MACROD2: variants seen among roughly 807,000 people sequenced by gnomAD.
MACROD2 encodes the protein ADP-ribose glycohydrolase MACROD2.
MACROD2 carries 36 observed loss-of-function variants against 70.4 expected under a neutral mutation model. That is an observed-to-expected ratio of 0.51 (90% CI 0.39 to 0.68). The LOEUF is 0.68. Ranked by LOEUF, MACROD2 falls within the 30% of genes least tolerant of loss-of-function variation. The pLI is 0.00. For synonymous variants in MACROD2, 172 were observed against 178.8 expected, an observed-to-expected ratio of 0.96 and a Z score of 0.30; for missense variants, 496 against 538.4, an observed-to-expected ratio of 0.92 and a Z score of 0.78.
intron 4 of MACROD2, among the ~76,000 whole-genome samples, chr20:14,603,664 C>T: frequency 6.6e-6 from 1 of 152,034 alleles, no homozygotes; most frequent in East Asian, 1.9e-4. Flanking sequence ...AATGACAGTA[C>T]CTATTATAGA....
chr20:15,909,498 A>G (rs886762197), intron 10 of MACROD2, among the ~76,000 whole-genome samples: 2 of 151,034 alleles, frequency 1.3e-5, no homozygotes, highest in South Asian at 2.1e-4. Flanking sequence ...TATCATACAC[A>G]TAAGTACATA....
chr20:15,389,783 G>T (rs893498889), intron 6 of MACROD2, among the ~76,000 whole-genome samples: 2 of 152,162 alleles, frequency 1.3e-5, no homozygotes, highest in African/African-American at 2.4e-5. Context: ...GCAAGATGAA[G>T]CAATACCGTT....
At chr20:15,327,798 G>A (rs1257017484) in intron 6 of MACROD2, among the ~76,000 whole-genome samples, 1 of 151,974 alleles carries the variant, frequency 6.6e-6, no homozygotes, top group Non-Finnish European at 1.5e-5. Context: ...ATCATGTGAT[G>A]GATGATTGGG....
chr20:15,681,713 C>T (rs1170359222), intron 8 of MACROD2, among the ~76,000 whole-genome samples: 1 of 152,138 alleles, frequency 6.6e-6, no homozygotes, highest in Non-Finnish European at 1.5e-5. Context: ...CATTCAATTA[C>T]ATTTTTTGTT....
At chr20:15,945,772 T>TCTGGA (rs1284944614) in intron 12 of MACROD2, among the ~76,000 whole-genome samples, 1 of 152,188 alleles carries the variant, frequency 6.6e-6, no homozygotes, top group Non-Finnish European at 1.5e-5. Flanking sequence ...CTGGATCAGT[T>TCTGGA]TCCCAAAAGC....
chr20:15,324,638 A>C (rs1393542229), intron 6 of MACROD2, among the ~76,000 whole-genome samples: 1 of 152,168 alleles, frequency 6.6e-6, no homozygotes, highest in Non-Finnish European at 1.5e-5. Flanking sequence ...CTGTGTCATC[A>C]CATTAGCTGA....
At chr20:15,171,770 T>C (rs1706243831) in intron 5 of MACROD2, among the ~76,000 whole-genome samples, 1 of 152,228 alleles carries the variant, frequency 6.6e-6, no homozygotes, top group South Asian at 2.1e-4. Context: ...CTGTGTTTTG[T>C]TCTGAAATCC....
chr20:14,879,944 C>T (rs2073592322), intron 5 of MACROD2, among the ~76,000 whole-genome samples: 1 of 152,138 alleles, frequency 6.6e-6, no homozygotes, highest in South Asian at 2.1e-4. Flanking sequence ...TTATCTTTTG[C>T]AAATCTTAGT....
chr20:14,065,352 A>AT (rs1445833073), intron 2 of MACROD2, among the ~76,000 whole-genome samples: 6 of 151,970 alleles, frequency 3.9e-5, no homozygotes, highest in African/African-American at 1.5e-4. Flanking sequence ...TGCTCACCTA[A>AT]TTTTTTAGTG....
At chr20:14,202,701 T>C (rs2081489376) in intron 3 of MACROD2, among the ~76,000 whole-genome samples, 1 of 152,170 alleles carries the variant, frequency 6.6e-6, no homozygotes, top group African/African-American at 2.4e-5. Context: ...CAGAAAGCAA[T>C]GGATTCTTAG....
chr20:15,121,513 CAAAAAA>C lies in MACROD2; in HGVS notation c.419-108415_419-108410del, dbSNP rs5840653. Among the ~76,000 whole-genome samples, 6 of 122,056 alleles carry C rather than the reference CAAAAAA, an allele frequency of 4.9e-5. No individual in the cohort carries two copies. The East Asian group carries it at 6.9e-4, about 14-fold the overall frequency. The allele number at this position is 122,056 out of a possible 152,430, so 80.1% of individuals were successfully genotyped here. ...AGGCAACAAGAGTGAAACTCTGCCT[CAAAAAA>C]AAAAAAAAAAAGAAAAAAGAAAGAA... is the stretch of plus-strand genomic sequence containing the variant. On this transcript the variant is annotated intron_variant, in intron 5 of 17. Transcript: ENST00000684519.
intron 2 of MACROD2, among the ~76,000 whole-genome samples, chr20:14,027,027 G>A (rs1443407794): frequency 1.3e-5 from 2 of 152,166 alleles, no homozygotes; most frequent in African/African-American, 4.8e-5. Flanking sequence ...AGCAGGGGTC[G>A]ACAGACACCT....
chr20:15,278,118 T>TA (rs1450135198), intron 6 of MACROD2, among the ~76,000 whole-genome samples: 10 of 152,212 alleles, frequency 6.6e-5, no homozygotes, highest in African/African-American at 2.4e-4. Flanking sequence ...ATGTTACAGT[T>TA]ACAAAACATA....
chr20:15,199,729 C>G (rs1299891410), intron 5 of MACROD2, among the ~76,000 whole-genome samples: 3 of 152,066 alleles, frequency 2.0e-5, no homozygotes, highest in African/African-American at 7.2e-5. Context: ...TTTGTTCATG[C>G]TGTTTTAAAG....
intron 4 of MACROD2, among the ~76,000 whole-genome samples, chr20:14,633,967 C>A: frequency 6.6e-6 from 1 of 152,196 alleles, no homozygotes; most frequent in East Asian, 1.9e-4. Flanking sequence ...CTTATTTCAT[C>A]TGAAGTTAAA....
At chr20:15,072,365 G>A (rs1052408501) in intron 5 of MACROD2, among the ~76,000 whole-genome samples, 5 of 152,120 alleles carry the variant, frequency 3.3e-5, no homozygotes, top group African/African-American at 7.2e-5. Flanking sequence ...AAGACAGACA[G>A]GATAATTCAT....
chr20:15,053,479 A>C (rs1364609131), intron 5 of MACROD2, among the ~76,000 whole-genome samples: 2 of 152,198 alleles, frequency 1.3e-5, no homozygotes, highest in African/African-American at 2.4e-5. Flanking sequence ...ACTCTATAAA[A>C]GGAACAAGAA....
At chr20:15,860,342 C>T (rs1374425798) in intron 8 of MACROD2, among the ~76,000 whole-genome samples, 1 of 152,246 alleles carries the variant, frequency 6.6e-6, no homozygotes, top group East Asian at 1.9e-4. Context: ...GCCTTGTCTT[C>T]TCAGATCTGC....
chr20:14,829,236 T>A (rs1361782855), intron 5 of MACROD2, among the ~76,000 whole-genome samples: 2 of 150,922 alleles, frequency 1.3e-5, no homozygotes, highest in Non-Finnish European at 3.0e-5. Flanking sequence ...TTCATGCCAT[T>A]CTCCTGCCTC....
Sources: allele counts gnomAD v4.1 joint callset (sites outside exome capture counted in the v4.1 genomes callset), GRCh38; gene constraint gnomAD v4.1.1; transcripts MANE v1.5; gene names NCBI Gene and HGNC (gene_info 2026-07-23, HGNC 2026-07-21).